Variants in MALRD1 observed in about 807,000 individuals in gnomAD.
MALRD1 encodes the protein MAM and LDL receptor class A domain containing 1.
MALRD1 carries 247 observed loss-of-function variants against 242.1 expected under a neutral mutation model. That is an observed-to-expected ratio of 1.02 (90% CI 0.92 to 1.13). MALRD1 has a LOEUF of 1.13. MALRD1 is among the 50% of genes most tolerant of loss of function. The pLI is 0.00. For missense variants in MALRD1, 2,989 were observed against 2,533.1 expected, an observed-to-expected ratio of 1.18 and a Z score of -3.86; for synonymous variants, 995 against 866.6, an observed-to-expected ratio of 1.15 and a Z score of -2.60.
At chr10:19,435,565 C>CT (rs909173621) in intron 28 of MALRD1, among the ~76,000 whole-genome samples, 26 of 152,074 alleles carry the variant, frequency 1.7e-4, no homozygotes, top group African/African-American at 6.0e-4. Context: ...TAATCTGATG[C>CT]TTTTTTTAAA....
Position 19,124,935 on chromosome 10 carries a change from CTTTTTTTTTT to C in MALRD1, c.943+284_943+293del, listed in dbSNP as rs1173453764. On this transcript the variant is annotated intron_variant, in intron 7 of 39. Coordinates refer to ENST00000454679, the MANE Select transcript of MALRD1 (RefSeq NM_001142308.3). ...CGTGTGAACAAAAAGTATTAAAAGG[CTTTTTTTTTT>C]TTTTTTTTTTTTTTTTTTGAGACAG... Among the ~76,000 whole-genome samples the C allele has an allele frequency of 2.9e-4, 15 of 52,594 alleles. No homozygotes were observed. The South Asian group carries it at 4.0e-3, about 14-fold the overall frequency. The allele number at this position is 52,594 out of a possible 152,430, so 34.5% of individuals were successfully genotyped here. A position where few individuals can be genotyped will look rare whatever the true frequency, so the allele number is the denominator to read the frequency against.
chr10:19,156,526 T>C (rs772985717), intron 12 of MALRD1, among the ~76,000 whole-genome samples: 18 of 150,912 alleles, frequency 1.2e-4, no homozygotes, highest in Non-Finnish European at 2.4e-4. Flanking sequence ...ACAAGCTAAC[T>C]TAGATTTAAT....
chr10:19,134,993 A>G (rs78171390), intron 9 of MALRD1, among the ~76,000 whole-genome samples: 4,105 of 152,256 alleles, frequency 0.027, 79 homozygotes, highest in Middle Eastern at 0.054. Flanking sequence ...TTTTACATGT[A>G]TGATATTCAT....
chr10:19,410,477 A>G (rs545484235), intron 28 of MALRD1, among the ~76,000 whole-genome samples: 12 of 152,272 alleles, frequency 7.9e-5, no homozygotes, highest in African/African-American at 2.4e-4. Flanking sequence ...TTTCAAACCA[A>G]AAAACTTGGA....
At chr10:19,398,126 G>T (rs1414966507) in intron 28 of MALRD1, among the ~76,000 whole-genome samples, 2 of 151,922 alleles carry the variant, frequency 1.3e-5, no homozygotes, top group African/African-American at 4.8e-5. Flanking sequence ...TCTTCATTCT[G>T]TTGATTGTTT....
chr10:19,556,995 GT>G (rs1835748824), intron 32 of MALRD1, among the ~76,000 whole-genome samples: 1 of 152,052 alleles, frequency 6.6e-6, no homozygotes, highest in Non-Finnish European at 1.5e-5. Flanking sequence ...TTTAAAAGAT[GT>G]TTAGTGTCAT....
At chr10:19,216,652 T>G (rs942509880) in intron 18 of MALRD1, among the ~76,000 whole-genome samples, 1 of 152,002 alleles carries the variant, frequency 6.6e-6, no homozygotes, top group Non-Finnish European at 1.5e-5. Flanking sequence ...ACAGTAAAGA[T>G]GTGGAGAGGC....
intron 33 of MALRD1, among the ~76,000 whole-genome samples, chr10:19,576,192 G>A (rs1836815494): frequency 6.6e-6 from 1 of 152,196 alleles, no homozygotes; most frequent in Non-Finnish European, 1.5e-5. Flanking sequence ...TGGAAGCTGA[G>A]CTATCTACCC....
intron 26 of MALRD1, among the ~76,000 whole-genome samples, chr10:19,379,519 A>G (rs1362120430): frequency 1.3e-5 from 2 of 152,094 alleles, no homozygotes; most frequent in Non-Finnish European, 2.9e-5. Flanking sequence ...AACTATAACT[A>G]CTGTTGTTAT....
chr10:19,103,103 C>A (rs545218189), intron 4 of MALRD1, among the ~76,000 whole-genome samples: 2 of 152,006 alleles, frequency 1.3e-5, no homozygotes, highest in East Asian at 2.0e-4. Flanking sequence ...CCTGCCTCAG[C>A]CTCCCAAAGT....
intron 21 of MALRD1, among the ~76,000 whole-genome samples, chr10:19,318,708 T>C (rs1288864141): frequency 6.6e-6 from 1 of 151,944 alleles, no homozygotes; most frequent in African/African-American, 2.4e-5. Context: ...CCTGAAACAG[T>C]GATCAACTTT....
intron 29 of MALRD1, chr10:19,489,504 C>A: frequency 1.8e-6 from 1 of 546,460 alleles, no homozygotes; most frequent in Non-Finnish European, 3.3e-6. Flanking sequence ...TGTTTAGTAG[C>A]AGCTCCAGAA....
At chr10:19,510,252 G>A (rs1290730563) in intron 31 of MALRD1, among the ~76,000 whole-genome samples, 1 of 152,126 alleles carries the variant, frequency 6.6e-6, no homozygotes, top group Non-Finnish European at 1.5e-5. Flanking sequence ...ACATTCCATT[G>A]CCAAGGGAGG....
chr10:19,075,889 A>G (rs570225422), intron 2 of MALRD1, among the ~76,000 whole-genome samples: 1 of 152,142 alleles, frequency 6.6e-6, no homozygotes, highest in Non-Finnish European at 1.5e-5. Flanking sequence ...TTTTTAGGGG[A>G]AGAAAGGTTT....
intron 28 of MALRD1, among the ~76,000 whole-genome samples, chr10:19,392,814 C>T (rs4307628): frequency 6.6e-6 from 1 of 152,160 alleles, no homozygotes. Context: ...GTTTTTTGAA[C>T]GAATAACAAT....
At chr10:19,365,679 A>C (rs1334604340) in intron 26 of MALRD1, among the ~76,000 whole-genome samples, 3 of 79,442 alleles carry the variant, frequency 3.8e-5, no homozygotes, top group Non-Finnish European at 8.1e-5. Flanking sequence ...AAAAAAAAAA[A>C]AAAAAAAAAC....
At chr10:19,072,917 C>G (rs1590390043) in intron 2 of MALRD1, among the ~76,000 whole-genome samples, 1 of 151,874 alleles carries the variant, frequency 6.6e-6, no homozygotes, top group East Asian at 1.9e-4. Context: ...TACCTTCCCC[C>G]CCTTTTTTTT....
chr10:19,556,945 C>A (rs527812807), intron 32 of MALRD1, among the ~76,000 whole-genome samples: 2 of 152,032 alleles, frequency 1.3e-5, no homozygotes, highest in African/African-American at 2.4e-5. Context: ...TCTATATCCT[C>A]GGGAGTGTTT....
chr10:19,204,434 T>A, intron 16 of MALRD1, 21 bp downstream of exon 16: 1 of 1,438,586 alleles, frequency 7.0e-7, no homozygotes, highest in Non-Finnish European at 9.5e-7. Flanking sequence ...AACAAATATT[T>A]AAACAATATT....
Sources: gnomAD v4.1 joint callset for allele counts (sites outside exome capture counted in the v4.1 genomes callset) on GRCh38, gnomAD v4.1.1 for gene constraint, MANE v1.5 for transcripts, NCBI Gene and HGNC (gene_info 2026-07-23, HGNC 2026-07-21) for gene names.